Variants in ARHGAP23 observed in about 807,000 individuals in gnomAD.
The protein encoded by ARHGAP23 is Rho GTPase activating protein 23.
ARHGAP23 carries 34 observed loss-of-function variants against 136.3 expected under a neutral mutation model. That is an observed-to-expected ratio of 0.25 (90% confidence interval 0.19 to 0.33). The LOEUF is 0.33. ARHGAP23 is among the 10% of genes least tolerant of loss of function. ARHGAP23 has a pLI of 1.00. For missense variants in ARHGAP23, 1,808 were observed against 2,139.0 expected (o/e 0.85, Z 3.05); for synonymous variants, 832 against 920.5 (o/e 0.90, Z 1.74).
intron 6 of ARHGAP23, among the ~76,000 whole-genome samples, chr17:38,463,915 TACAG>T (rs1405484256): frequency 6.6e-6 from 1 of 151,852 alleles, no homozygotes; most frequent in Admixed American, 6.6e-5. Flanking sequence ...CGTGCCGCAA[TACAG>T]ACAACCACAC....
At chr17:38,460,642 A>C (rs1449454674) in intron 2 of ARHGAP23, among the ~76,000 whole-genome samples, 4 of 152,112 alleles carry the variant, frequency 2.6e-5, no homozygotes, top group Non-Finnish European at 5.9e-5. Context: ...GAGCTCCCCC[A>C]GGGAAGGGGT....
At chr17:38,449,633 T>G (rs1020878293) in intron 1 of ARHGAP23, among the ~76,000 whole-genome samples, 36 of 152,180 alleles carry the variant, frequency 2.4e-4, no homozygotes, top group African/African-American at 8.4e-4. Context: ...TCGCATTGCC[T>G]GCATGCCTGG....
chr17:38,479,644 G>T, intron 13 of ARHGAP23, 109 bp from the exon 14 acceptor site: 1 of 1,413,502 alleles, frequency 7.1e-7, no homozygotes, highest in South Asian at 1.4e-5. Flanking sequence ...AGGCATGGAG[G>T]CATTGCCTCA....
At chr17:38,462,745 G>A (rs1597789751) in intron 3 of ARHGAP23, 101 bp from the exon 4 acceptor site, 7 of 840,030 alleles carry the variant, frequency 8.3e-6, no homozygotes, top group South Asian at 2.1e-5. Context: ...GTGACCGGAC[G>A]AGTGCAATCA....
chr17:38,469,674 C>T (rs1411394400), intron 9 of ARHGAP23, 39 bp downstream of exon 9: 1 of 1,536,640 alleles, frequency 6.5e-7, no homozygotes, highest in Non-Finnish European at 8.8e-7. Flanking sequence ...GTGGCCACAG[C>T]CACCGTGGCC....
chr17:38,489,977 T>C (rs1183223772), intron 17 of ARHGAP23, 125 bp from the exon 18 acceptor site: 3 of 820,976 alleles, frequency 3.7e-6, no homozygotes, highest in Non-Finnish European at 6.1e-6. Flanking sequence ...CAAGAGGCTG[T>C]CGCCCACGCT....
At chr17:38,458,072 C>T (rs1304317813) in intron 1 of ARHGAP23, 30 bp from the exon 2 acceptor site, 10 of 1,534,948 alleles carry the variant, frequency 6.5e-6, no homozygotes, top group African/African-American at 2.7e-5. Flanking sequence ...GCCACACGGG[C>T]GCTCAGCCTG....
Position 38,490,291 on chromosome 17 carries a change from G to T in ARHGAP23, c.3060+116G>T, listed in dbSNP as rs375595694. ...ACCCCTGTGGCCTTGGAGAAGCCCCGCTCCACTCAGGGCCTCAGTTTCCCC... is the reference window on the plus strand; with the variant it reads ...ACCCCTGTGGCCTTGGAGAAGCCCCTCTCCACTCAGGGCCTCAGTTTCCCC... On this transcript the variant is annotated intron_variant, in intron 18 of 23. Transcript: ENST00000622683. 1.6e-4 allele frequency: 191 copies of T among 1,203,302 alleles called. No individual in the cohort carries two copies. The African/African-American group carries it at 2.4e-3, about 15-fold the overall frequency. The allele number at this position is 1,203,302 out of a possible 1,614,324, so 74.5% of individuals were successfully genotyped here. A position where few individuals can be genotyped will look rare whatever the true frequency, so the allele number is the denominator to read the frequency against.
intron 1 of ARHGAP23, among the ~76,000 whole-genome samples, chr17:38,447,683 A>T (rs1197024477): frequency 6.6e-6 from 1 of 152,160 alleles, no homozygotes; most frequent in East Asian, 1.9e-4. Context: ...TTCAAGGAGC[A>T]CACAGTCTGA....
At chr17:38,424,227 A>T (rs1172485315), upstream of ARHGAP23, among the ~76,000 whole-genome samples, 1 of 152,054 alleles carries the variant, frequency 6.6e-6, no homozygotes, top group African/African-American at 2.4e-5. Context: ...CAGTCCGCTC[A>T]TCACGCCCTC....
chr17:38,434,582 G>A (rs1415319129), intron 1 of ARHGAP23, among the ~76,000 whole-genome samples: 3 of 152,228 alleles, frequency 2.0e-5, no homozygotes, highest in Non-Finnish European at 4.4e-5. Flanking sequence ...GGTCGGAGGT[G>A]TGTGGGCCGG....
upstream of ARHGAP23, among the ~76,000 whole-genome samples, chr17:38,424,000 G>A (rs1024367480): frequency 5.3e-5 from 8 of 152,140 alleles, no homozygotes; most frequent in Admixed American, 2.0e-4. Context: ...GAGGCAGGCC[G>A]AGAAGGCCTT....
rs142072732 is a variant in ARHGAP23 at position 38,470,889 on chromosome 17, G to A, written c.1975-974G>A. ...CAAAATGCTGGGATTACAGGCATAA[G>A]CCATCGCACCTGGACATATTTTTGT... On this transcript the variant is annotated intron_variant, in intron 10 of 23. Coordinates refer to ENST00000622683, the MANE Select transcript of ARHGAP23 (RefSeq NM_001199417.2). Among the ~76,000 whole-genome samples the A allele has an allele frequency of 4.6e-5, 7 of 152,128 alleles. No individual in the cohort carries two copies. In the East Asian group the frequency reaches 1.4e-3, roughly 29 times the overall value.
intron 17 of ARHGAP23, among the ~76,000 whole-genome samples, chr17:38,486,831 C>T (rs1188544196): frequency 2.0e-5 from 3 of 152,248 alleles, no homozygotes; most frequent in Admixed American, 6.5e-5. Context: ...CCACCCCAGG[C>T]GTCGGGCACC....
At chr17:38,468,352 TGGG>T (rs1414373349) in intron 7 of ARHGAP23, among the ~76,000 whole-genome samples, 1 of 152,060 alleles carries the variant, frequency 6.6e-6, no homozygotes, top group Non-Finnish European at 1.5e-5. Context: ...TGGCCGGGCT[TGGG>T]GGTGGTGCCT....
At chr17:38,479,072 A>G (rs1401617315) in intron 12 of ARHGAP23, among the ~76,000 whole-genome samples, 2 of 152,164 alleles carry the variant, frequency 1.3e-5, no homozygotes, top group Non-Finnish European at 2.9e-5. Context: ...AGGCTTAGTC[A>G]GGGGATCCCA....
intron 17 of ARHGAP23, 93 bp downstream of exon 17, chr17:38,486,233 T>A: frequency 1.7e-3 from 5 of 2,998 alleles, no homozygotes; most frequent in Non-Finnish European, 3.4e-3. Flanking sequence ...GGTTTTACTC[T>A]TTTTTTTTTT....
intron 16 of ARHGAP23, among the ~76,000 whole-genome samples, chr17:38,483,800 T>A (rs1455698316): frequency 1.3e-5 from 2 of 151,870 alleles, no homozygotes; most frequent in Non-Finnish European, 2.9e-5. Context: ...GTTTGAGTAT[T>A]GGAGGAATGA....
At chr17:38,439,624 C>T (rs1275299707) in intron 1 of ARHGAP23, among the ~76,000 whole-genome samples, 1 of 152,222 alleles carries the variant, frequency 6.6e-6, no homozygotes, top group Non-Finnish European at 1.5e-5. Flanking sequence ...TCTCTTTAAT[C>T]TGCACAACAA....
Sources: gnomAD v4.1 joint callset for allele counts (sites outside exome capture counted in the v4.1 genomes callset) on GRCh38, gnomAD v4.1.1 for gene constraint, MANE v1.5 for transcripts, NCBI Gene and HGNC (gene_info 2026-07-23, HGNC 2026-07-21) for gene names.